The following UBAP2 variants were observed in gnomAD, a reference collection of about 807,000 sequenced individuals.
UBAP2 encodes ubiquitin associated protein 2.
A neutral mutation model predicts 139.6 loss-of-function variants in UBAP2; 75 were observed. The ratio of observed to expected loss-of-function variants is 0.54; its 90% CI spans 0.45 to 0.65. The LOEUF (loss-of-function observed/expected upper bound fraction) is 0.65. Among genes scored for constraint, UBAP2 ranks in the 30% least tolerant of loss-of-function variants. The pLI is 0.00. For synonymous variants in UBAP2, 526 were observed against 526.2 expected, an observed-to-expected ratio of 1.00 and a Z score of 0.01; for missense variants, 1,368 against 1,369.6, an observed-to-expected ratio of 1.00 and a Z score of 0.02.
chr9:33,943,946 G>A (rs1825448298), intron 14 of UBAP2, among the ~76,000 whole-genome samples: 1 of 152,104 alleles, frequency 6.6e-6, no homozygotes. Context: ...AGGAATGGTT[G>A]GCATTAATAT....
At chr9:34,024,697 G>A (rs1031809613) in intron 1 of UBAP2, among the ~76,000 whole-genome samples, 3 of 151,930 alleles carry the variant, frequency 2.0e-5, no homozygotes, top group African/African-American at 7.2e-5. Context: ...TAAAACTTCT[G>A]ATAAAGCCAG....
intron 2 of UBAP2, among the ~76,000 whole-genome samples, 189 bp downstream of exon 2, chr9:34,016,861 A>G (rs541710600): frequency 1.3e-5 from 2 of 152,120 alleles, no homozygotes; most frequent in Admixed American, 1.3e-4. Flanking sequence ...CCCGGCCATC[A>G]CCTACTGTTT....
intron 6 of UBAP2, among the ~76,000 whole-genome samples, chr9:33,978,588 G>A (rs1820362868): frequency 6.6e-6 from 1 of 152,022 alleles, no homozygotes; most frequent in African/African-American, 2.4e-5. Context: ...AGACCATCCT[G>A]GCTAACACAG....
In UBAP2 at chr9:33,976,699, A is replaced by C. The variant is rs146255018; in HGVS notation, c.521-3462T>G. On this transcript the variant is annotated intron_variant, in intron 6 of 28. Coordinates refer to ENST00000379238, the MANE Select transcript of UBAP2 (RefSeq NM_001370062.2). Reference sequence around the variant, plus strand: ...TGTATGGTATGTAAATTTTGTAAAGAATATTTTCTTTCTTAGGCTGGGAGC... The same window carrying C: ...TGTATGGTATGTAAATTTTGTAAAGCATATTTTCTTTCTTAGGCTGGGAGC... Among the ~76,000 whole-genome samples the C allele has an allele frequency of 2.6e-3, 398 of 152,304 alleles. 7 individuals are homozygous for C. The highest frequency in any genetic ancestry group is 0.024 in the Admixed American group (368 of 15,292).
chr9:33,960,774 C>T, intron 10 of UBAP2, 52 bp downstream of exon 10: 1 of 1,537,448 alleles, frequency 6.5e-7, no homozygotes, highest in Non-Finnish European at 8.9e-7. Context: ...AAGTGAAATT[C>T]CATTTCAAAA....
At chr9:33,936,105 G>T (rs537983554) in intron 16 of UBAP2, among the ~76,000 whole-genome samples, 32 of 151,978 alleles carry the variant, frequency 2.1e-4, no homozygotes, top group African/African-American at 7.0e-4. Flanking sequence ...CCCTTAGCCT[G>T]CCTAGGAGCT....
chr9:33,944,464 C>T lies in UBAP2; in HGVS notation c.1446G>A (p.Gln482=). Residue 482 remains glutamine, a synonymous_variant, in exon 14 of 29, where the codon CAG becomes CAA. Coordinates refer to ENST00000379238, the MANE Select transcript of UBAP2 (RefSeq NM_001370062.2). ...TATTTTCAATGGTCGTGCTGGGAAG[C>T]TGCAAAAGCTTGTTCACAGTGGAGG... The part of the protein sequence containing the change: ...DSPSTVNKLL[Q]LPSTTIENIS... 1 of 1,614,098 alleles carries T rather than the reference C, an allele frequency of 6.2e-7. No individual in the cohort carries two copies. Among genetic ancestry groups the T allele is most frequent in the Non-Finnish European group, 8.5e-7 (1 of 1,180,022 alleles).
intron 5 of UBAP2, among the ~76,000 whole-genome samples, chr9:33,987,719 T>C (rs533907027): frequency 1.3e-5 from 2 of 152,374 alleles, no homozygotes; most frequent in African/African-American, 4.8e-5. Context: ...GTGGACTTGC[T>C]GTGAAGTTTT....
In UBAP2 at chr9:33,922,531, G is replaced by A. The variant is rs762246038; in HGVS notation, c.3333C>T (p.Tyr1111=). The stretch of plus-strand genomic sequence containing the variant: ...AGTTTGTCCAGTATGGAGAGTTGCC[G>A]TAGGCAGGTTTGGAGGCTTGAGACT... ...QPKSQASKPA[Y]GNSPYWTN is the part of the protein sequence containing the mutation. The change falls in exon 29 of 29, where the codon TAC becomes TAT. Residue 1111 remains tyrosine, a synonymous_variant. Coordinates refer to ENST00000379238, the MANE Select transcript of UBAP2 (RefSeq NM_001370062.2). 115 of 1,613,886 alleles carry A rather than the reference G, an allele frequency of 7.1e-5. No individual in the cohort carries two copies. Among genetic ancestry groups the A allele is most frequent in the Non-Finnish European group, 9.1e-5 (107 of 1,179,990 alleles).
At chr9:34,020,648 C>T (rs1180043737) in intron 1 of UBAP2, among the ~76,000 whole-genome samples, 2 of 129,306 alleles carry the variant, frequency 1.5e-5, no homozygotes, top group Non-Finnish European at 3.3e-5. Flanking sequence ...TTTAACAATA[C>T]ATGGAACTCT....
At chr9:33,961,961 G>A (rs2131012141) in intron 9 of UBAP2, among the ~76,000 whole-genome samples, 1 of 152,294 alleles carries the variant, frequency 6.6e-6, no homozygotes, top group Middle Eastern at 3.4e-3. Flanking sequence ...GAAATGTGAT[G>A]TAAACTGTGC....
chr9:33,922,344 A>G lies in UBAP2; in HGVS notation c.*160T>C. On this transcript the variant is annotated 3_prime_UTR_variant, in exon 29 of 29. Transcript: ENST00000379238. Reference sequence around the variant, plus strand: ...CATTTACAAATACATACATAAATACATTACATACAGTAGCCAGTCTGGGAG... The same window carrying G: ...CATTTACAAATACATACATAAATACGTTACATACAGTAGCCAGTCTGGGAG... The G allele has an allele frequency of 1.4e-6, 1 of 705,460 alleles. No homozygotes were observed. Among genetic ancestry groups the G allele is most frequent in the Non-Finnish European group, 2.5e-6 (1 of 406,254 alleles). The allele number at this position is 705,460 out of a possible 1,614,324, so 43.7% of individuals were successfully genotyped here. A position where few individuals can be genotyped will look rare whatever the true frequency, so the allele number is the denominator to read the frequency against.
At chr9:34,029,682 TAAA>T (rs755676471) in intron 1 of UBAP2, among the ~76,000 whole-genome samples, 4 of 149,740 alleles carry the variant, frequency 2.7e-5, no homozygotes, top group Non-Finnish European at 3.0e-5. Flanking sequence ...TTTAAAAAAA[TAAA>T]AAGAAGAAGA....
At chr9:33,961,712 T>C (rs925092235) in intron 9 of UBAP2, among the ~76,000 whole-genome samples, 1 of 152,156 alleles carries the variant, frequency 6.6e-6, no homozygotes, top group African/African-American at 2.4e-5. Context: ...GAGTTAATCA[T>C]CTGACAAACA....
At chr9:33,927,162 G>T in intron 20 of UBAP2, 82 bp from the exon 21 acceptor site, 1 of 1,058,032 alleles carries the variant, frequency 9.5e-7, no homozygotes, top group Non-Finnish European at 1.4e-6. Flanking sequence ...AGGAGGCACA[G>T]TCACTGAGCT....
chr9:33,967,794 A>C (rs865815571), intron 8 of UBAP2, among the ~76,000 whole-genome samples: 1 of 152,238 alleles, frequency 6.6e-6, no homozygotes, highest in African/African-American at 2.4e-5. Flanking sequence ...AAACTGGAGT[A>C]TATTTTCTTT....
chr9:33,937,333 G>A (rs1824642231), intron 16 of UBAP2, among the ~76,000 whole-genome samples: 1 of 152,006 alleles, frequency 6.6e-6, no homozygotes, highest in Non-Finnish European at 1.5e-5. Context: ...GACAGGGGAT[G>A]CAGTGGCTCA....
chr9:34,043,852 G>A (rs1283984741), intron 1 of UBAP2, among the ~76,000 whole-genome samples: 4 of 151,376 alleles, frequency 2.6e-5, no homozygotes, highest in Non-Finnish European at 5.9e-5. Context: ...AAAAGGCCAG[G>A]CACAGTGGTC....
chr9:33,944,755 A>C, intron 13 of UBAP2, 116 bp from the exon 14 acceptor site: 1 of 1,245,784 alleles, frequency 8.0e-7, no homozygotes, highest in East Asian at 2.5e-5. Context: ...TGAATTTCTT[A>C]GGTTTTACAC....
Sources: allele counts gnomAD v4.1 joint callset (sites outside exome capture counted in the v4.1 genomes callset), GRCh38; gene constraint gnomAD v4.1.1; transcripts MANE v1.5; gene names NCBI Gene and HGNC (gene_info 2026-07-23, HGNC 2026-07-21).